Variants in UBR2 observed in about 807,000 individuals in gnomAD.
The protein encoded by UBR2 is E3 ubiquitin-protein ligase UBR2.
A neutral mutation model predicts 247.9 loss-of-function variants in UBR2; 92 were observed. That is an observed-to-expected ratio of 0.37 (90% CI 0.31 to 0.44). UBR2 has a LOEUF of 0.44. Among genes scored for constraint, UBR2 ranks in the 20% least tolerant of loss-of-function variants. The pLI is 1.00. For synonymous variants in UBR2, 672 were observed against 693.5 expected (o/e 0.97, Z 0.49); for missense variants, 1,613 against 2,112.6 (o/e 0.76, Z 4.64).
chr6:42,584,109 C>T (rs1792096737), intron 2 of UBR2, among the ~76,000 whole-genome samples: 1 of 151,386 alleles, frequency 6.6e-6, no homozygotes, highest in Non-Finnish European at 1.5e-5. Flanking sequence ...GCAATTCTCC[C>T]GCCTCAGCCT....
At chr6:42,616,831 A>T (rs932449082) in intron 10 of UBR2, among the ~76,000 whole-genome samples, 1 of 150,960 alleles carries the variant, frequency 6.6e-6, no homozygotes, top group Admixed American at 6.6e-5. Context: ...ACTGAAACAG[A>T]TTCACCAAGA....
Position 42,652,601 on chromosome 6 carries a change from G to A in UBR2, c.2725G>A (p.Val909Met), listed in dbSNP as rs1030092844. ...CIMGTILQWA[V>M]EHNGYAWSES... ...CATGGGAACAATTCTGCAATGGGCTGTGGAACATAATGGATATGCCTGGTC... is the reference window on the plus strand; with the variant it reads ...CATGGGAACAATTCTGCAATGGGCTATGGAACATAATGGATATGCCTGGTC... The change falls in exon 25 of 47, where the codon GTG (valine) becomes ATG (methionine). Residue 909 changes from valine to methionine, a missense_variant. Val to Met is a conservative substitution (Grantham distance 21). Transcript: ENST00000372901. The A allele has an allele frequency of 6.2e-7, 1 of 1,613,662 alleles. No individual in the cohort carries two copies. Among genetic ancestry groups the A allele is most frequent in the Non-Finnish European group, 8.5e-7 (1 of 1,179,930 alleles).
intron 5 of UBR2, 109 bp from the exon 6 acceptor site, chr6:42,605,612 G>T (rs1793649853): frequency 1.1e-6 from 1 of 900,662 alleles, no homozygotes; most frequent in Admixed American, 2.9e-5. Flanking sequence ...TTACAGATAT[G>T]TGTCCAGTAC....
chr6:42,576,828 T>C (rs1333046764), intron 2 of UBR2, among the ~76,000 whole-genome samples: 1 of 152,162 alleles, frequency 6.6e-6, no homozygotes, highest in East Asian at 1.9e-4. Context: ...GCCTCCCTCC[T>C]GTTTTGTTAG....
intron 25 of UBR2, among the ~76,000 whole-genome samples, chr6:42,654,634 A>G (rs1283302907): frequency 6.6e-6 from 1 of 152,226 alleles, no homozygotes; most frequent in East Asian, 1.9e-4. Context: ...GCTCAGGAGA[A>G]TCACTGGAAA....
chr6:42,587,382 C>G lies in UBR2; in HGVS notation c.339-4769C>G, dbSNP rs193152446. Among the ~76,000 whole-genome samples the G allele has an allele frequency of 5.9e-5, 9 of 151,946 alleles. No homozygotes were observed. The East Asian group carries it at 1.7e-3, about 29-fold the overall frequency. ...TTTCTTTCTTTTTTTGAGATGGAGT[C>G]TTGCTCTGTCCATTTCCCAGGCTGG... On this transcript the variant is annotated intron_variant, in intron 2 of 46. Coordinates refer to ENST00000372901, the MANE Select transcript of UBR2 (RefSeq NM_001363705.2).
intron 2 of UBR2, among the ~76,000 whole-genome samples, chr6:42,575,983 A>G (rs899923852): frequency 2.6e-5 from 4 of 151,898 alleles, no homozygotes; most frequent in Non-Finnish European, 1.5e-5. Flanking sequence ...GTTCTTTTTC[A>G]TATCTCTATC....
At chr6:42,673,667 T>C (rs1366819836) in intron 36 of UBR2, 124 bp from the exon 37 acceptor site, 1 of 627,660 alleles carries the variant, frequency 1.6e-6, no homozygotes, top group Non-Finnish European at 2.8e-6. Context: ...TGAGATGTCA[T>C]AGATCTAGTT....
At chr6:42,581,966 G>A (rs1791929057) in intron 2 of UBR2, among the ~76,000 whole-genome samples, 1 of 152,040 alleles carries the variant, frequency 6.6e-6, no homozygotes, top group South Asian at 2.1e-4. Context: ...ATTTTGCACT[G>A]TTAAAAATCT....
intron 5 of UBR2, 71 bp downstream of exon 5, chr6:42,603,789 G>A: frequency 7.0e-7 from 1 of 1,422,728 alleles, no homozygotes; most frequent in Admixed American, 2.8e-5. Context: ...GCTAGTATAG[G>A]GCATAATCAT....
At chr6:42,665,290 A>G (rs750709266) in intron 32 of UBR2, 119 bp from the exon 33 acceptor site, 1 of 678,408 alleles carries the variant, frequency 1.5e-6, no homozygotes, top group Non-Finnish European at 2.3e-6. Flanking sequence ...ATTTTCCCTT[A>G]TCCTTTTTGT....
At chr6:42,685,553 C>T (rs1290950293) in intron 44 of UBR2, among the ~76,000 whole-genome samples, 2 of 151,558 alleles carry the variant, frequency 1.3e-5, no homozygotes, top group Admixed American at 1.3e-4. Flanking sequence ...CAACCTCCGC[C>T]TCCCAGATGC....
chr6:42,675,945 A>T, intron 38 of UBR2, 111 bp from the exon 39 acceptor site: 1 of 1,426,644 alleles, frequency 7.0e-7, no homozygotes. Flanking sequence ...CAACAGAGTA[A>T]GACTCTGTCT....
chr6:42,634,939 C>T (rs1316093485), intron 13 of UBR2, among the ~76,000 whole-genome samples: 1 of 152,188 alleles, frequency 6.6e-6, no homozygotes, highest in Non-Finnish European at 1.5e-5. Flanking sequence ...AGTTTCTGAA[C>T]AGTAATTTTA....
chr6:42,613,058 G>A (rs1014230338), intron 8 of UBR2, among the ~76,000 whole-genome samples: 1 of 151,860 alleles, frequency 6.6e-6, no homozygotes, highest in Non-Finnish European at 1.5e-5. Context: ...CCAACATCAC[G>A]CCACTTTGCT....
intron 1 of UBR2, among the ~76,000 whole-genome samples, chr6:42,573,175 G>T (rs181370838): frequency 3.0e-4 from 45 of 152,010 alleles, no homozygotes; most frequent in African/African-American, 1.1e-3. Flanking sequence ...GAGAGAAGTT[G>T]ATCAGAGAAA....
At chr6:42,635,005 G>T (rs1453521704) in intron 13 of UBR2, among the ~76,000 whole-genome samples, 1 of 152,008 alleles carries the variant, frequency 6.6e-6, no homozygotes, top group South Asian at 2.1e-4. Flanking sequence ...ACTTCTAATT[G>T]CATATTAGGA....
intron 11 of UBR2, chr6:42,620,481 G>GTTTTTTTTTTTTTTTT (rs796314344): frequency 3.0e-5 from 2 of 66,616 alleles, no homozygotes; most frequent in African/African-American, 7.5e-5. Context: ...ATTAAGTGTT[G>GTTTTTTTTTTTTTTTT]TTTTTTTTTT....
At chr6:42,607,257 G>A (rs561860548) in intron 7 of UBR2, among the ~76,000 whole-genome samples, 20 of 149,572 alleles carry the variant, frequency 1.3e-4, no homozygotes, top group African/African-American at 4.4e-4. Flanking sequence ...AACTTCCTCT[G>A]CCTCCTGGGT....
Sources: gnomAD v4.1 joint callset for allele counts (sites outside exome capture counted in the v4.1 genomes callset) on GRCh38, gnomAD v4.1.1 for gene constraint, MANE v1.5 for transcripts, NCBI Gene and HGNC (gene_info 2026-07-23, HGNC 2026-07-21) for gene names.